COL8A1: variants seen among roughly 807,000 people sequenced by gnomAD.
COL8A1 encodes the protein collagen alpha-1(VIII) chain.
COL8A1 carries 21 observed loss-of-function variants against 42.7 expected under a neutral mutation model. The observed-to-expected ratio is 0.49, with a 90% confidence interval of 0.35 to 0.71. The LOEUF (loss-of-function observed/expected upper bound fraction) is 0.71. Among genes scored for constraint, COL8A1 ranks in the 30% least tolerant of loss-of-function variants. The pLI, the probability that COL8A1 is intolerant of heterozygous loss-of-function variation, is 0.01. For missense variants in COL8A1, 788 were observed against 962.4 expected (o/e 0.82, Z 2.40); for synonymous variants, 367 against 369.1 (o/e 0.99, Z 0.06).
At chr3:99,714,304 A>G (rs1301602033) in intron 1 of COL8A1, among the ~76,000 whole-genome samples, 1 of 152,064 alleles carries the variant, frequency 6.6e-6, no homozygotes, top group African/African-American at 2.4e-5. Flanking sequence ...CAGAGATTAC[A>G]TTCTATTTTC....
In COL8A1 at chr3:99,796,160, A is replaced by T. The variant is rs967825524; in HGVS notation, c.*24A>T. ...AAAAACAAAAAAACAAAAAACAAAG[A>T]AAAGAAAGAGATTTTATAGAAGAAA... On this transcript the variant is annotated 3_prime_UTR_variant, in exon 4 of 4. Coordinates refer to ENST00000652472, the MANE Select transcript of COL8A1 (RefSeq NM_020351.4). 1.4e-6 allele frequency: 2 copies of T among 1,444,990 alleles called. No homozygotes were observed. Among genetic ancestry groups the T allele is most frequent in the Non-Finnish European group, 1.8e-6 (2 of 1,093,104 alleles). 89.5% of individuals were successfully genotyped at this position (1,444,990 alleles called of 1,614,324 possible).
chr3:99,766,425 T>G (rs1941464346), intron 2 of COL8A1, among the ~76,000 whole-genome samples: 1 of 152,260 alleles, frequency 6.6e-6, no homozygotes, highest in East Asian at 1.9e-4. Flanking sequence ...ACTCAATCCA[T>G]GCACTTAAGG....
At chr3:99,772,867 T>C (rs1309895418) in intron 2 of COL8A1, among the ~76,000 whole-genome samples, 2 of 152,142 alleles carry the variant, frequency 1.3e-5, no homozygotes, top group Admixed American at 6.5e-5. Flanking sequence ...AAATAACCCA[T>C]ACATAACAAT....
chr3:99,746,876 T>C, intron 2 of COL8A1, among the ~76,000 whole-genome samples: 1 of 152,220 alleles, frequency 6.6e-6, no homozygotes, highest in South Asian at 2.1e-4. Context: ...TGAATTTTGA[T>C]TGAAAAAATA....
intron 1 of COL8A1, among the ~76,000 whole-genome samples, chr3:99,734,941 G>C (rs1327939572): frequency 1.3e-5 from 2 of 149,480 alleles, no homozygotes; most frequent in Admixed American, 1.3e-4. Context: ...TCATGATTTG[G>C]TTCTCTGTTT....
chr3:99,673,354 T>G (rs1412324781), intron 1 of COL8A1, among the ~76,000 whole-genome samples: 2 of 152,062 alleles, frequency 1.3e-5, no homozygotes, highest in East Asian at 3.9e-4. Flanking sequence ...GTAAAAGTCC[T>G]TAAATTTTCT....
At chr3:99,750,637 G>T (rs1438521662) in intron 2 of COL8A1, among the ~76,000 whole-genome samples, 1 of 152,072 alleles carries the variant, frequency 6.6e-6, no homozygotes, top group East Asian at 1.9e-4. Flanking sequence ...AATGTAATAG[G>T]TTCTTCCTTC....
intron 1 of COL8A1, among the ~76,000 whole-genome samples, chr3:99,640,734 A>G (rs1937491458): frequency 6.6e-6 from 1 of 152,208 alleles, no homozygotes; most frequent in African/African-American, 2.4e-5. Context: ...CATAGGGTAC[A>G]TACCAAGCAA....
intron 2 of COL8A1, among the ~76,000 whole-genome samples, chr3:99,765,777 T>C (rs1029663228): frequency 6.6e-6 from 1 of 152,192 alleles, no homozygotes; most frequent in African/African-American, 2.4e-5. Flanking sequence ...TGTTAACATT[T>C]TGTGGTTACT....
intron 3 of COL8A1, among the ~76,000 whole-genome samples, chr3:99,793,208 ATTGCATAG>A: frequency 6.6e-6 from 1 of 152,160 alleles, no homozygotes; most frequent in East Asian, 1.9e-4. Context: ...TTGGATATCT[ATTGCATAG>A]AATAGCGAGT....
chr3:99,731,738 T>C (rs1257671961), intron 1 of COL8A1, among the ~76,000 whole-genome samples: 1 of 152,054 alleles, frequency 6.6e-6, no homozygotes, highest in Non-Finnish European at 1.5e-5. Context: ...CTGACTATGG[T>C]ATAGAAACTG....
intron 1 of COL8A1, among the ~76,000 whole-genome samples, chr3:99,668,876 T>C (rs1188064680): frequency 6.6e-6 from 1 of 151,894 alleles, no homozygotes; most frequent in Non-Finnish European, 1.5e-5. Context: ...AATAAACAAA[T>C]TGACAAGTAA....
intron 1 of COL8A1, among the ~76,000 whole-genome samples, chr3:99,705,739 C>T (rs1485974240): frequency 1.3e-5 from 2 of 152,074 alleles, no homozygotes. Flanking sequence ...AGCAGGGAGA[C>T]TTTGCTCTTG....
intron 1 of COL8A1, among the ~76,000 whole-genome samples, chr3:99,660,140 G>A (rs936327209): frequency 6.6e-6 from 1 of 152,196 alleles, no homozygotes; most frequent in Non-Finnish European, 1.5e-5. Flanking sequence ...GGACAAGTGA[G>A]TGTGGTGCGT....
At chr3:99,662,685 G>A (rs187755169) in intron 1 of COL8A1, among the ~76,000 whole-genome samples, 4 of 152,314 alleles carry the variant, frequency 2.6e-5, no homozygotes, top group African/African-American at 4.8e-5. Context: ...AAGACCAATA[G>A]GCCGGAAGGG....
intron 2 of COL8A1, among the ~76,000 whole-genome samples, chr3:99,755,689 C>T (rs375418829): frequency 2.0e-3 from 309 of 152,286 alleles, no homozygotes; most frequent in African/African-American, 6.9e-3. Flanking sequence ...GAAGGCAAGG[C>T]CATGCAACAC....
chr3:99,718,472 T>C (rs541731076), intron 1 of COL8A1, among the ~76,000 whole-genome samples: 2 of 152,104 alleles, frequency 1.3e-5, no homozygotes, highest in African/African-American at 2.4e-5. Context: ...GCAAGTTTGA[T>C]TGAGGTTTTG....
intron 1 of COL8A1, among the ~76,000 whole-genome samples, chr3:99,669,236 C>T (rs936424978): frequency 2.0e-5 from 3 of 149,062 alleles, no homozygotes; most frequent in Non-Finnish European, 4.5e-5. Context: ...CATAAATTTA[C>T]AGTAAAACAT....
At chr3:99,714,349 A>T (rs1939930178) in intron 1 of COL8A1, among the ~76,000 whole-genome samples, 1 of 152,054 alleles carries the variant, frequency 6.6e-6, no homozygotes, top group Non-Finnish European at 1.5e-5. Flanking sequence ...AGAAAAGCAT[A>T]AGCATTTGGA....
Sources: gnomAD v4.1 joint callset for allele counts (sites outside exome capture counted in the v4.1 genomes callset) on GRCh38, gnomAD v4.1.1 for gene constraint, MANE v1.5 for transcripts, NCBI Gene and HGNC (gene_info 2026-07-23, HGNC 2026-07-21) for gene names.